SGMS2: variants seen among roughly 807,000 people sequenced by gnomAD.
SGMS2 encodes the protein phosphatidylcholine:ceramide cholinephosphotransferase 2.
SGMS2 carries 21 observed loss-of-function variants against 43.8 expected under a neutral mutation model. The observed-to-expected ratio is 0.48, with a 90% CI of 0.34 to 0.69. The LOEUF is 0.69. SGMS2 is among the 30% of genes least tolerant of loss of function. The pLI is 0.01. For missense variants in SGMS2, 384 were observed against 443.2 expected (o/e 0.87, Z 1.20); for synonymous variants, 167 against 160.6 (o/e 1.04, Z -0.30).
chr4:107,907,231 T>C (rs1406262296), intron 5 of SGMS2: 1 of 152,246 alleles, frequency 6.6e-6, no homozygotes, highest in Non-Finnish European at 1.5e-5. Flanking sequence ...ATTTTCTTAC[T>C]GTGTGCCATT....
chr4:107,829,318 G>A (rs192999382), intron 1 of SGMS2, among the ~76,000 whole-genome samples: 116 of 152,242 alleles, frequency 7.6e-4, no homozygotes, highest in Non-Finnish European at 5.9e-4. Context: ...GCTACTCTGA[G>A]TCAAAATTTT....
intron 1 of SGMS2, among the ~76,000 whole-genome samples, chr4:107,833,645 CA>C (rs556039117): frequency 2.0e-5 from 3 of 150,904 alleles, no homozygotes; most frequent in Admixed American, 6.6e-5. Flanking sequence ...TTCCAAAATT[CA>C]AAAAAAAATC....
intron 3 of SGMS2, among the ~76,000 whole-genome samples, chr4:107,899,065 A>G (rs1415927118): frequency 2.6e-5 from 4 of 152,302 alleles, no homozygotes; most frequent in African/African-American, 9.6e-5. Context: ...AACCCTGCTT[A>G]TATACCGTGG....
intron 2 of SGMS2, among the ~76,000 whole-genome samples, chr4:107,860,930 C>T (rs77260041): frequency 0.01 from 1,529 of 152,222 alleles, 33 homozygotes; most frequent in African/African-American, 0.035. Flanking sequence ...GACTGGGTTG[C>T]GTGCCTTGGC....
At chr4:107,852,610 T>TA (rs1285997878) in intron 1 of SGMS2, among the ~76,000 whole-genome samples, 8 of 152,226 alleles carry the variant, frequency 5.3e-5, no homozygotes, top group Non-Finnish European at 1.0e-4. Context: ...ACACATATCA[T>TA]TGTTTTATAC....
At chr4:107,880,864 A>AG (rs58777315) in intron 2 of SGMS2, among the ~76,000 whole-genome samples, 84,169 of 147,570 alleles carry the variant, frequency 0.57, 24,586 homozygotes, top group African/African-American at 0.66. Context: ...AAAAAAAAAA[A>AG]AAAGAAAGAA....
At chr4:107,849,449 G>C (rs1727014643) in intron 1 of SGMS2, among the ~76,000 whole-genome samples, 1 of 152,138 alleles carries the variant, frequency 6.6e-6, no homozygotes, top group Admixed American at 6.6e-5. Context: ...CCTTGTAGCT[G>C]TTGTATTGGA....
At chr4:107,830,809 T>C (rs1427579655) in intron 1 of SGMS2, among the ~76,000 whole-genome samples, 1 of 152,140 alleles carries the variant, frequency 6.6e-6, no homozygotes, top group Admixed American at 6.5e-5. Context: ...CAAAGAGAAG[T>C]GGAGACCACT....
intron 2 of SGMS2, among the ~76,000 whole-genome samples, chr4:107,875,776 G>T (rs1349696718): frequency 3.9e-5 from 6 of 152,176 alleles, no homozygotes; most frequent in Admixed American, 3.9e-4. Flanking sequence ...CATTTTTGTG[G>T]TTGGCATAAG....
intron 2 of SGMS2, chr4:107,874,214 G>C (rs568398104): frequency 5.3e-5 from 8 of 152,254 alleles, no homozygotes; most frequent in African/African-American, 1.9e-4. Flanking sequence ...AATCATTATT[G>C]TGCCAGCAGC....
chr4:107,877,913 C>CTTTTTTTTTTTTTTTTTTTTTTTTTT (rs774442653), intron 2 of SGMS2, among the ~76,000 whole-genome samples: 2 of 102,178 alleles, frequency 2.0e-5, no homozygotes, highest in African/African-American at 7.8e-5. Flanking sequence ...TTTTTCTTTT[C>CTTTTTTTTTTTTTTTTTTTTTTTTTT]TTTTTTTTTT....
At chr4:107,859,165 A>G (rs924630765) in intron 2 of SGMS2, among the ~76,000 whole-genome samples, 18 of 152,200 alleles carry the variant, frequency 1.2e-4, no homozygotes, top group African/African-American at 4.3e-4. Context: ...GAAAATAAAA[A>G]TAGTTGCATT....
intron 2 of SGMS2, among the ~76,000 whole-genome samples, chr4:107,892,770 A>G (rs765170103): frequency 1.3e-5 from 2 of 152,162 alleles, no homozygotes; most frequent in Admixed American, 6.5e-5. Context: ...AAAGAAGGCA[A>G]TCAGATATGC....
intron 5 of SGMS2, among the ~76,000 whole-genome samples, chr4:107,903,915 T>C (rs1320062582): frequency 1.3e-5 from 2 of 152,212 alleles, no homozygotes; most frequent in Admixed American, 1.3e-4. Flanking sequence ...CATAGGAGTC[T>C]TCATGGACCA....
intron 1 of SGMS2, among the ~76,000 whole-genome samples, chr4:107,831,038 T>G (rs1725861598): frequency 6.6e-6 from 1 of 152,226 alleles, no homozygotes; most frequent in Non-Finnish European, 1.5e-5. Flanking sequence ...ATATCCACTC[T>G]GTAGGTGTGG....
intron 6 of SGMS2, 35 bp from the exon 7 acceptor site, chr4:107,910,313 GAT>G (rs746286088): frequency 5.2e-6 from 8 of 1,527,980 alleles, no homozygotes; most frequent in Admixed American, 1.7e-5. Flanking sequence ...AATTGAGAAA[GAT>G]ATGTCTCATT....
chr4:107,865,320 C>T (rs1388481674), intron 2 of SGMS2, among the ~76,000 whole-genome samples: 1 of 152,136 alleles, frequency 6.6e-6, no homozygotes, highest in South Asian at 2.1e-4. Context: ...AGAGAGGTCT[C>T]ATCTAGCTTA....
intron 1 of SGMS2, among the ~76,000 whole-genome samples, chr4:107,842,951 A>G (rs1726607615): frequency 1.3e-5 from 2 of 152,190 alleles, no homozygotes; most frequent in Admixed American, 1.3e-4. Context: ...TAAATGAATT[A>G]GTAGGAAAGG....
At chr4:107,888,331 A>AC (rs1283957368) in intron 2 of SGMS2, among the ~76,000 whole-genome samples, 2 of 152,220 alleles carry the variant, frequency 1.3e-5, no homozygotes, top group South Asian at 4.1e-4. Flanking sequence ...AATAACCTTA[A>AC]TTTAAAAAAA....
Sources: allele counts gnomAD v4.1 joint callset (sites outside exome capture counted in the v4.1 genomes callset), GRCh38; gene constraint gnomAD v4.1.1; transcripts MANE v1.5; gene names NCBI Gene and HGNC (gene_info 2026-07-23, HGNC 2026-07-21).